The following ZNF180 variants were observed in gnomAD, a reference collection of about 807,000 sequenced individuals.
ZNF180 encodes zinc finger protein 180, also known as zinc finger protein 180 (HHZ168).
ZNF180 carries 11 observed loss-of-function variants against 11.8 expected under a neutral mutation model. The observed-to-expected ratio is 0.93, with a 90% confidence interval of 0.59 to 1.55. ZNF180 has a LOEUF of 1.55. Ranked by LOEUF, ZNF180 falls within the 40% of genes most tolerant of loss-of-function variation. ZNF180 has a pLI of 0.00. For missense variants in ZNF180, 773 were observed against 781.7 expected (o/e 0.99, Z 0.13); for synonymous variants, 287 against 257.7 (o/e 1.11, Z -1.09).
At position 44,477,917 on chromosome 19, in the gene ZNF180, T is replaced by C. The variant is rs777885890; in HGVS notation, c.483A>G (p.Arg161=). The C allele has an allele frequency of 6.2e-7, 1 of 1,614,000 alleles. No individual in the cohort carries two copies. The highest frequency in any genetic ancestry group is 1.7e-5 in the Admixed American group (1 of 60,028). ...CCCCAGTTTCATCACTTTTGCAGAC[T>C]CTCTCATGAATAACTGCTTTCCTTT... is the stretch of plus-strand genomic sequence containing the variant. ...FTQRKAVIHE[R]VCKSDETGEK... The change falls in exon 5 of 5, where the codon AGA becomes AGG. Residue 161 remains arginine (R), a synonymous_variant. Coordinates refer to ENST00000592529, the MANE Select transcript of ZNF180 (RefSeq NM_001278509.3).
At chr19:44,486,007 G>A (rs1970219150) in intron 2 of ZNF180, among the ~76,000 whole-genome samples, 1 of 152,136 alleles carries the variant, frequency 6.6e-6, no homozygotes, top group Non-Finnish European at 1.5e-5. Context: ...AACCTCATTA[G>A]CAAGTTACAT....
chr19:44,490,078 G>GAGGGAAGGGAAGGGAAAGAA lies in ZNF180; in HGVS notation c.52-5644_52-5643insTTCTTTCCCTTCCCTTCCCT, dbSNP rs1555736598. ...AAAGAGGGAAAGGAAGGGAAAGAAA[G>GAGGGAAGGGAAGGGAAAGAA]AGGGAAGGGAAGGGAAAGAGCGAAA... is the stretch of plus-strand genomic sequence containing the variant. On this transcript the variant is annotated intron_variant, in intron 2 of 4. Transcript: ENST00000592529. Among the ~76,000 whole-genome samples, 874 of 115,606 alleles carry GAGGGAAGGGAAGGGAAAGAA rather than the reference G, an allele frequency of 7.6e-3. 2 individuals are homozygous for GAGGGAAGGGAAGGGAAAGAA. The highest frequency in any genetic ancestry group is 0.025 in the East Asian group (62 of 2,474). 75.8% of individuals were successfully genotyped at this position (115,606 alleles called of 152,430 possible).
Position 44,478,008 on chromosome 19 carries a change from C to A in ZNF180, c.392G>T (p.Cys131Phe). The stretch of plus-strand genomic sequence containing the variant: ...CTGTTGCTTCTCCAACTGGTCTTTA[C>A]AATCATCCACTTCTTCACATGAAGA... ...WLSSCEEVDD[C>F]KDQLEKQQEK... The change falls in exon 5 of 5, where the codon TGT becomes TTT. Residue 131 changes from cysteine (C) to phenylalanine (F), a missense_variant. Cys to Phe is a radical substitution (Grantham distance 205). Coordinates refer to ENST00000592529, the MANE Select transcript of ZNF180 (RefSeq NM_001278509.3). 1 of 1,614,082 alleles carries A rather than the reference C, an allele frequency of 6.2e-7. No individual in the cohort carries two copies. Among genetic ancestry groups the A allele is most frequent in the Non-Finnish European group, 8.5e-7 (1 of 1,179,980 alleles).
At chr19:44,478,439 C>T (rs191567370) in intron 4 of ZNF180, among the ~76,000 whole-genome samples, 1 of 152,314 alleles carries the variant, frequency 6.6e-6, no homozygotes, top group African/African-American at 2.4e-5. Flanking sequence ...AGATCATCTA[C>T]ATAGAACCTA....
chr19:44,481,363 A>T (rs887308498), intron 3 of ZNF180, among the ~76,000 whole-genome samples: 2 of 152,202 alleles, frequency 1.3e-5, no homozygotes, highest in Non-Finnish European at 2.9e-5. Flanking sequence ...TGATTAGCCC[A>T]ACGTGAAATT....
At chr19:44,481,374 C>A (rs1165254646) in intron 3 of ZNF180, among the ~76,000 whole-genome samples, 1 of 152,116 alleles carries the variant, frequency 6.6e-6, no homozygotes, top group East Asian at 1.9e-4. Context: ...ACGTGAAATT[C>A]AAAAAATAAC....
chr19:44,479,502 T>A (rs897247809), intron 3 of ZNF180, 93 bp from the exon 4 acceptor site: 1 of 1,529,096 alleles, frequency 6.5e-7, no homozygotes, highest in African/African-American at 1.5e-5. Context: ...AAAAGGAAAA[T>A]TGGTGACCTG....
In ZNF180 at chr19:44,477,998, C is replaced by A; in HGVS notation, c.402G>T (p.Gln134His). Residue 134 changes from glutamine to histidine, a missense_variant, in exon 5 of 5, where the codon CAG becomes CAT. Physicochemically the swap from Gln to His is conservative, Grantham distance 24 (BLOSUM62 0). Transcript: ENST00000592529. ...SCEEVDDCKD[Q>H]LEKQQEKQEI... ...CTTGTTTTTCCTGTTGCTTCTCCAACTGGTCTTTACAATCATCCACTTCTT... is the reference window on the plus strand; with the variant it reads ...CTTGTTTTTCCTGTTGCTTCTCCAAATGGTCTTTACAATCATCCACTTCTT... 1.9e-6 allele frequency: 3 copies of A among 1,614,078 alleles called. No individual in the cohort carries two copies. Among genetic ancestry groups the A allele is most frequent in the Non-Finnish European group, 2.5e-6 (3 of 1,179,988 alleles).
In ZNF180 at chr19:44,476,829, C is replaced by A; in HGVS notation, c.1571G>T (p.Cys524Phe). 1 of 1,614,174 alleles carries A rather than the reference C, an allele frequency of 6.2e-7. No individual in the cohort carries two copies. The highest frequency in any genetic ancestry group is 2.2e-5 in the East Asian group (1 of 44,886). The change falls in exon 5 of 5, where the codon TGT (cysteine) becomes TTT (phenylalanine). Residue 524 changes from cysteine (C) to phenylalanine (F), a missense_variant. Cys to Phe is a radical substitution (Grantham distance 205). Coordinates refer to ENST00000592529, the MANE Select transcript of ZNF180 (RefSeq NM_001278509.3). ...GTTAAAAGATTTTCCACATTCACTA[C>A]ATTCATACGGTTTCTCTCCAGTGTG... ...RTHTGEKPYE[C>F]SECGKSFNRS...
intron 2 of ZNF180, among the ~76,000 whole-genome samples, chr19:44,496,832 A>G (rs1970601125): frequency 6.6e-6 from 1 of 152,142 alleles, no homozygotes; most frequent in African/African-American, 2.4e-5. Context: ...CTCTTTTTAA[A>G]AAGTGATGAT....
intron 2 of ZNF180, among the ~76,000 whole-genome samples, chr19:44,486,318 G>C (rs1388499559): frequency 2.6e-5 from 4 of 152,182 alleles, no homozygotes; most frequent in Non-Finnish European, 5.9e-5. Flanking sequence ...GAACTGAGGA[G>C]CAGGTTCACT....
At chr19:44,491,456 T>C (rs1970448824) in intron 2 of ZNF180, among the ~76,000 whole-genome samples, 1 of 152,290 alleles carries the variant, frequency 6.6e-6, no homozygotes, top group African/African-American at 2.4e-5. Flanking sequence ...CTCCTGAATT[T>C]ACATCTTAGC....
chr19:44,493,433 TCC>T (rs1970498909), intron 2 of ZNF180, among the ~76,000 whole-genome samples: 1 of 152,242 alleles, frequency 6.6e-6, no homozygotes, highest in Non-Finnish European at 1.5e-5. Context: ...AGACTTTGGC[TCC>T]CTTGATTTTT....
At chr19:44,497,656 T>G (rs1341963188) in intron 1 of ZNF180, among the ~76,000 whole-genome samples, 1 of 152,076 alleles carries the variant, frequency 6.6e-6, no homozygotes. Flanking sequence ...CAACATGGCC[T>G]TCTGCCCACC....
At position 44,474,831 on chromosome 19, in the gene ZNF180, A is replaced by G. The variant is rs1314984396; in HGVS notation, c.*1571T>C. 6.6e-6 allele frequency: 1 copy of G among 152,180 alleles called. No homozygotes were observed. Among genetic ancestry groups the G allele is most frequent in the Admixed American group, 6.5e-5 (1 of 15,278 alleles). 9.4% of individuals were successfully genotyped at this position (152,180 alleles called of 1,614,324 possible). A position where few individuals can be genotyped will look rare whatever the true frequency, so the allele number is the denominator to read the frequency against. On this transcript the variant is annotated 3_prime_UTR_variant, in exon 5 of 5. Coordinates refer to ENST00000592529, the MANE Select transcript of ZNF180 (RefSeq NM_001278509.3). Reference sequence around the variant, plus strand: ...TCAAAGTGTGGGTCAGTGGTCCCCAAGGGATGCCCGCAGCTTTCAGTATTT... The same window carrying G: ...TCAAAGTGTGGGTCAGTGGTCCCCAGGGGATGCCCGCAGCTTTCAGTATTT...
intron 3 of ZNF180, 129 bp from the exon 4 acceptor site, chr19:44,479,538 C>G (rs1970025346): frequency 7.9e-7 from 1 of 1,261,598 alleles, no homozygotes. Context: ...TTGTCAGTGC[C>G]CAAAAGATTC....
chr19:44,476,803 G>C lies in ZNF180; in HGVS notation c.1597C>G (p.Arg533Gly), dbSNP rs757930483. Residue 533 changes from arginine (R) to glycine (G), a missense_variant, in exon 5 of 5, where the codon CGC (arginine) becomes GGC (glycine). Physicochemically the swap from Arg to Gly is moderately radical, Grantham distance 125. Transcript: ENST00000592529. The part of the protein sequence containing the change: ...ECSECGKSFN[R>G]SSHLVMHQRI... ...TGATGCATAACAAGGTGAGAACTGC[G>C]GTTAAAAGATTTTCCACATTCACTA... is the stretch of plus-strand genomic sequence containing the variant. 1.2e-6 allele frequency: 2 copies of C among 1,613,950 alleles called. No homozygotes were observed. The highest frequency in any genetic ancestry group is 4.5e-5 in the East Asian group (2 of 44,854).
chr19:44,487,390 G>A (rs1453110279), intron 2 of ZNF180, among the ~76,000 whole-genome samples: 1 of 152,226 alleles, frequency 6.6e-6, no homozygotes, highest in Non-Finnish European at 1.5e-5. Context: ...AAGAGGTTGT[G>A]TTGCTTGCAT....
rs1969860949 is a variant in ZNF180, at chr19:44,476,173, A to G, written c.*229T>C. On this transcript the variant is annotated 3_prime_UTR_variant, in exon 5 of 5. Transcript: ENST00000592529. ...TTTATTATTTTCATAGGAATATGTC[A>G]TAAGAATCAAGTTTAACATTGTATA... 1 of 423,430 alleles carries G rather than the reference A, an allele frequency of 2.4e-6. No individual in the cohort carries two copies. The highest frequency in any genetic ancestry group is 6.2e-4 in the Middle Eastern group (1 of 1,616). The allele number at this position is 423,430 out of a possible 1,614,324, so 26.2% of individuals were successfully genotyped here.
Sources: allele counts gnomAD v4.1 joint callset (sites outside exome capture counted in the v4.1 genomes callset), GRCh38; gene constraint gnomAD v4.1.1; transcripts MANE v1.5; gene names NCBI Gene and HGNC (gene_info 2026-07-23, HGNC 2026-07-21).